The following UNC13C variants were observed in gnomAD, a reference collection of about 807,000 sequenced individuals.
The protein encoded by UNC13C is protein unc-13 homolog C.
A neutral mutation model predicts 245.4 loss-of-function variants in UNC13C; 174 were observed. That is an observed-to-expected ratio of 0.71 (90% CI 0.63 to 0.80). UNC13C has a LOEUF of 0.80. UNC13C is among the 30% of genes least tolerant of loss of function. The pLI is 0.00. For synonymous variants in UNC13C, 992 were observed against 895.1 expected, an observed-to-expected ratio of 1.11 and a Z score of -1.93; for missense variants, 2,829 against 2,602.9, an observed-to-expected ratio of 1.09 and a Z score of -1.89.
intron 19 of UNC13C, among the ~76,000 whole-genome samples, chr15:54,448,868 C>A (rs1483265737): frequency 6.6e-6 from 1 of 152,126 alleles, no homozygotes; most frequent in Non-Finnish European, 1.5e-5. Context: ...TCTTCCTAGC[C>A]TCGATGGTCT....
At chr15:54,433,848 C>G (rs2040923626) in intron 19 of UNC13C, among the ~76,000 whole-genome samples, 1 of 151,942 alleles carries the variant, frequency 6.6e-6, no homozygotes, top group African/African-American at 2.4e-5. Context: ...TGTCTCAGCC[C>G]AAAATTCCTC....
intron 2 of UNC13C, among the ~76,000 whole-genome samples, chr15:54,133,950 A>C (rs944591301): frequency 6.6e-6 from 1 of 152,144 alleles, no homozygotes; most frequent in Admixed American, 6.6e-5. Context: ...TAAATTAGCT[A>C]TTTCAAGGTG....
chr15:54,552,550 T>TAATTATATATAATATATA (rs1243599176), intron 28 of UNC13C, among the ~76,000 whole-genome samples: 2 of 79,600 alleles, frequency 2.5e-5, no homozygotes, highest in Non-Finnish European at 4.2e-5. Flanking sequence ...TATATTATAT[T>TAATTATATATAATATATA]GTATATAATT....
intron 19 of UNC13C, among the ~76,000 whole-genome samples, chr15:54,482,216 G>A (rs1350632444): frequency 6.6e-6 from 1 of 152,120 alleles, no homozygotes; most frequent in African/African-American, 2.4e-5. Flanking sequence ...GACATAGGGG[G>A]ATGTCAGCAG....
chr15:54,027,303 C>T (rs1187842007), intron 2 of UNC13C, among the ~76,000 whole-genome samples: 4 of 152,026 alleles, frequency 2.6e-5, no homozygotes, highest in African/African-American at 9.7e-5. Flanking sequence ...TATGGAAAGC[C>T]ATGGAAGAAG....
chr15:54,065,696 CAAG>C (rs1898044253), intron 2 of UNC13C, among the ~76,000 whole-genome samples: 1 of 152,226 alleles, frequency 6.6e-6, no homozygotes. Flanking sequence ...CAGTACCTCA[CAAG>C]AACTTTTGGG....
At chr15:54,542,756 C>T (rs1403638973) in intron 26 of UNC13C, among the ~76,000 whole-genome samples, 1 of 151,834 alleles carries the variant, frequency 6.6e-6, no homozygotes, top group East Asian at 1.9e-4. Flanking sequence ...TTTTGTAATC[C>T]CCTTCTTTGT....
At chr15:53,988,047 TC>T (rs1894223860) in intron 1 of UNC13C, among the ~76,000 whole-genome samples, 1 of 151,938 alleles carries the variant, frequency 6.6e-6, no homozygotes. Flanking sequence ...TCCCAATACT[TC>T]TCTCCCTCAC....
At chr15:54,424,003 A>C (rs906568023) in intron 19 of UNC13C, among the ~76,000 whole-genome samples, 2 of 151,852 alleles carry the variant, frequency 1.3e-5, no homozygotes, top group African/African-American at 4.8e-5. Flanking sequence ...AAGGAAACAG[A>C]AATATTTACA....
chr15:54,487,355 A>G (rs1893467632), intron 19 of UNC13C, among the ~76,000 whole-genome samples: 2 of 152,010 alleles, frequency 1.3e-5, no homozygotes, highest in South Asian at 2.1e-4. Flanking sequence ...TTTTCCTGGT[A>G]TTTTGCTAAG....
At chr15:54,451,035 T>C (rs1410896514) in intron 19 of UNC13C, among the ~76,000 whole-genome samples, 2 of 152,142 alleles carry the variant, frequency 1.3e-5, no homozygotes, top group Non-Finnish European at 2.9e-5. Flanking sequence ...TTTCTTTTTC[T>C]TTTCAGCACT....
chr15:53,851,689 G>A, the UNC13C span, among the ~76,000 whole-genome samples: 1 of 152,170 alleles, frequency 6.6e-6, no homozygotes, highest in Admixed American at 6.5e-5. Context: ...AGTCTGAACA[G>A]CAAGCCCTTG....
chr15:54,077,448 G>C (rs1482093553), intron 2 of UNC13C, among the ~76,000 whole-genome samples: 1 of 117,568 alleles, frequency 8.5e-6, no homozygotes, highest in African/African-American at 3.3e-5. Flanking sequence ...GCATGATCTT[G>C]GCTTACTGCA....
chr15:54,285,429 G>A (rs142179575), intron 10 of UNC13C, among the ~76,000 whole-genome samples: 23 of 152,270 alleles, frequency 1.5e-4, no homozygotes, highest in African/African-American at 5.3e-4. Context: ...GTGAGATACC[G>A]ATATTGCAAT....
the UNC13C span, among the ~76,000 whole-genome samples, chr15:53,886,910 A>G: frequency 6.6e-6 from 1 of 152,162 alleles, no homozygotes; most frequent in Non-Finnish European, 1.5e-5. Flanking sequence ...GCATCCTACA[A>G]TATATGTGAG....
chr15:53,907,604 G>A, the UNC13C span, among the ~76,000 whole-genome samples: 33 of 152,184 alleles, frequency 2.2e-4, no homozygotes, highest in African/African-American at 7.0e-4. Flanking sequence ...TATGTAATGT[G>A]GAGATAATAA....
At chr15:54,255,612 T>C (rs1432881841) in intron 8 of UNC13C, among the ~76,000 whole-genome samples, 1 of 152,160 alleles carries the variant, frequency 6.6e-6, no homozygotes, top group Non-Finnish European at 1.5e-5. Flanking sequence ...CCGCTGCCTA[T>C]GTGTTTGCTG....
In UNC13C at chr15:54,338,501, T is replaced by G. The variant is rs1357584881; in HGVS notation, c.4713+12T>G. 2 of 1,611,420 alleles carry G rather than the reference T, an allele frequency of 1.2e-6. No homozygotes were observed. Among genetic ancestry groups the G allele is most frequent in the East Asian group, 2.2e-5 (1 of 44,846 alleles). On this transcript the variant is annotated intron_variant, in intron 17 of 32. Coordinates refer to ENST00000260323, the MANE Select transcript of UNC13C (RefSeq NM_001080534.3). ...AGCTAACAGACCCGGTAAGAAAATA[T>G]GTATGTCTTTTATAATCGCCACTTT...
chr15:54,084,485 A>G (rs570150941), intron 2 of UNC13C, among the ~76,000 whole-genome samples: 67 of 152,052 alleles, frequency 4.4e-4, no homozygotes, highest in Non-Finnish European at 8.4e-4. Context: ...TGTTTGAATT[A>G]TTTTCCACGT....
Sources: gnomAD v4.1 joint callset for allele counts (sites outside exome capture counted in the v4.1 genomes callset) on GRCh38, gnomAD v4.1.1 for gene constraint, MANE v1.5 for transcripts, NCBI Gene and HGNC (gene_info 2026-07-23, HGNC 2026-07-21) for gene names.